Variants in HNRNPCL1 observed in about 807,000 individuals in gnomAD.
HNRNPCL1 encodes heterogeneous nuclear ribonucleoprotein C-like 1.
Under a neutral mutation model 19.0 loss-of-function variants are expected in HNRNPCL1, and 15 were observed. That is an observed-to-expected ratio of 0.79 (90% CI 0.53 to 1.22). The LOEUF (loss-of-function observed/expected upper bound fraction) is 1.22. HNRNPCL1 is among the 50% of genes most tolerant of loss of function. The probability of loss-of-function intolerance (pLI) is 0.00; values close to 1 mark genes in which losing one functional copy is unlikely to be tolerated. For synonymous variants in HNRNPCL1, 110 were observed against 129.1 expected (o/e 0.85, Z 1.00); for missense variants, 327 against 354.7 (o/e 0.92, Z 0.63).
At chr1:12,848,650 G>C (rs1340013112) in intron 1 of HNRNPCL1, 31 bp downstream of exon 1, 1 of 282,226 alleles carries the variant, frequency 3.5e-6, no homozygotes, top group Non-Finnish European at 6.5e-6. Context: ...TAGGTCAGAT[G>C]GGAGTGTCCT....
Position 12,847,795 on chromosome 1 carries a change from T to C in HNRNPCL1, c.495A>G (p.Gly165=), listed in dbSNP as rs575146988. The change falls in exon 2 of 2, where the codon GGA becomes GGG. Residue 165 remains glycine, a synonymous_variant. Coordinates refer to ENST00000317869, the MANE Select transcript of HNRNPCL1 (RefSeq NM_001013631.3). ...TTCCAGACTTGGAAGATCCCCGCTT[T>C]CCACTCTTAGAATTGAAGCCACTTT... ...RGKSGFNSKS[G]KRGSSKSGKL... 3.7e-6 allele frequency: 6 copies of C among 1,606,848 alleles called. No individual in the cohort carries two copies. The highest frequency in any genetic ancestry group is 4.2e-6 in the Non-Finnish European group (5 of 1,176,626).
Sources: allele counts gnomAD v4.1 joint callset, GRCh38; gene constraint gnomAD v4.1.1; transcripts MANE v1.5; gene names NCBI Gene and HGNC (gene_info 2026-07-23, HGNC 2026-07-21).